Variants in ADGRV1 observed in about 807,000 individuals in gnomAD.
ADGRV1 encodes G-protein coupled receptor 98.
A neutral mutation model predicts 596.2 loss-of-function variants in ADGRV1; 359 were observed. That is an observed-to-expected ratio of 0.60 (90% CI 0.55 to 0.66). ADGRV1 has a LOEUF of 0.66. Among genes scored for constraint, ADGRV1 ranks in the 30% least tolerant of loss-of-function variants. The pLI, the probability that ADGRV1 is intolerant of heterozygous loss-of-function variation, is 0.00. For synonymous variants in ADGRV1, 2,681 were observed against 2,679.2 expected (o/e 1.00, Z -0.02); for missense variants, 7,274 against 7,575.6 (o/e 0.96, Z 1.48).
intron 83 of ADGRV1, among the ~76,000 whole-genome samples, chr5:90,889,034 A>G (rs979537418): frequency 2.0e-5 from 3 of 152,022 alleles, no homozygotes; most frequent in African/African-American, 2.4e-5. Flanking sequence ...AGGTGTGTAC[A>G]ATGTTGGAAA....
Position 90,694,579 on chromosome 5 carries a change from T to G in ADGRV1, c.7823T>G (p.Leu2608Arg). Residue 2608 changes from leucine to arginine, a missense_variant, in exon 33 of 90, where the codon CTG (leucine) becomes CGG (arginine). Physicochemically the swap from Leu to Arg is moderately radical, Grantham distance 102. Transcript: ENST00000405460. ...GAGCAGCCCCAAACCTTGGTGGAGC[T>G]GATGATACACAGGACAGGGGGCAGC... ...VQEQPQTLVE[L>R]MIHRTGGSLG... 1 of 1,613,846 alleles carries G rather than the reference T, an allele frequency of 6.2e-7. No individual in the cohort carries two copies. Among genetic ancestry groups the G allele is most frequent in the Non-Finnish European group, 8.5e-7 (1 of 1,179,798 alleles).
intron 11 of ADGRV1, among the ~76,000 whole-genome samples, chr5:90,638,496 A>C (rs1359196964): frequency 1.3e-5 from 2 of 152,006 alleles, no homozygotes; most frequent in African/African-American, 2.4e-5. Context: ...AGCATTTCTC[A>C]GTGGGTAATT....
Position 90,697,119 on chromosome 5 carries a change from G to T in ADGRV1, c.8128G>T (p.Ala2710Ser), listed in dbSNP as rs1440345825. The T allele has an allele frequency of 6.2e-7, 1 of 1,613,156 alleles. No homozygotes were observed. Among genetic ancestry groups the T allele is most frequent in the Non-Finnish European group, 8.5e-7 (1 of 1,179,352 alleles). Residue 2710 changes from alanine to serine, a missense_variant, in exon 34 of 90, where the codon GCT (alanine) becomes TCT (serine). By Grantham distance (99) the Ala-to-Ser change is moderately conservative (BLOSUM62 1). Around this residue, in one of 5 missense-constraint regions of ADGRV1, gnomAD observed 3,643 missense variants for 3,809.2 expected, o/e 0.96. Transcript: ENST00000405460. Reference protein sequence around the residue: ...NVAGIVSFQTASRSVIGHEGE... With the variant: ...NVAGIVSFQTSSRSVIGHEGE... Reference sequence around the variant, plus strand: ...GGCAGGAATTGTTAGCTTTCAGACAGCTTCCAGATCTGTCATAGGTCATGA... The same window carrying T: ...GGCAGGAATTGTTAGCTTTCAGACATCTTCCAGATCTGTCATAGGTCATGA...
At chr5:91,039,316 G>A (rs1316416026) in intron 85 of ADGRV1, among the ~76,000 whole-genome samples, 2 of 152,128 alleles carry the variant, frequency 1.3e-5, no homozygotes, top group East Asian at 1.9e-4. Flanking sequence ...TGTTACCTTC[G>A]TTATCGGTTA....
intron 84 of ADGRV1, among the ~76,000 whole-genome samples, chr5:90,972,426 T>A (rs1289298051): frequency 6.6e-6 from 1 of 152,174 alleles, no homozygotes; most frequent in Non-Finnish European, 1.5e-5. Flanking sequence ...ATCGCACTTA[T>A]TCCAAAATTG....
At chr5:91,110,952 A>C (rs1365554050) in intron 87 of ADGRV1, among the ~76,000 whole-genome samples, 1 of 152,116 alleles carries the variant, frequency 6.6e-6, no homozygotes, top group East Asian at 1.9e-4. Flanking sequence ...CACGTTTTGA[A>C]TCATTCCCTA....
chr5:90,648,783 C>T (rs1271461014), intron 17 of ADGRV1, among the ~76,000 whole-genome samples: 4 of 152,100 alleles, frequency 2.6e-5, no homozygotes, highest in African/African-American at 9.7e-5. Context: ...AACTATTATC[C>T]TGTGAGGAAA....
chr5:90,861,269 A>G (rs1169493086), intron 82 of ADGRV1, among the ~76,000 whole-genome samples: 1 of 151,904 alleles, frequency 6.6e-6, no homozygotes, highest in Non-Finnish European at 1.5e-5. Flanking sequence ...TGGAATTGTG[A>G]TACTTTATTT....
chr5:91,045,590 T>G (rs1785732089), intron 85 of ADGRV1, among the ~76,000 whole-genome samples: 1 of 151,868 alleles, frequency 6.6e-6, no homozygotes, highest in East Asian at 1.9e-4. Flanking sequence ...TAACACTGAA[T>G]GGGGAAAAGT....
chr5:90,938,462 G>A (rs143144723), intron 83 of ADGRV1, among the ~76,000 whole-genome samples: 120 of 152,292 alleles, frequency 7.9e-4, no homozygotes, highest in African/African-American at 2.6e-3. Flanking sequence ...ATAACAGTGA[G>A]ACTGGCGATG....
At chr5:91,059,422 TCTC>T (rs767528817) in intron 85 of ADGRV1, among the ~76,000 whole-genome samples, 3 of 152,126 alleles carry the variant, frequency 2.0e-5, no homozygotes, top group Non-Finnish European at 4.4e-5. Flanking sequence ...GTAAAAGGCT[TCTC>T]CTCACTCTGT....
chr5:90,672,448 G>T, intron 21 of ADGRV1, 98 bp from the exon 22 acceptor site: 1 of 954,884 alleles, frequency 1.0e-6, no homozygotes, highest in South Asian at 1.8e-5. Context: ...GAAAGTTGTA[G>T]AATTAAGTTT....
chr5:91,018,803 A>G (rs544851327), intron 85 of ADGRV1, among the ~76,000 whole-genome samples: 2 of 152,128 alleles, frequency 1.3e-5, no homozygotes, highest in East Asian at 1.9e-4. Context: ...GTAAACTGCC[A>G]TGGCTTAAGC....
chr5:90,649,799 G>A (rs527860070), intron 17 of ADGRV1, among the ~76,000 whole-genome samples: 1 of 152,080 alleles, frequency 6.6e-6, no homozygotes, highest in East Asian at 1.9e-4. Flanking sequence ...AGAAATTGAC[G>A]CTTGAAAAAG....
At chr5:90,664,025 A>G (rs1580649692) in intron 21 of ADGRV1, among the ~76,000 whole-genome samples, 1 of 139,180 alleles carries the variant, frequency 7.2e-6, no homozygotes. Flanking sequence ...GCCTTGTAGT[A>G]TAGTTTGAAG....
Position 90,637,819 on chromosome 5 carries a change from C to T in ADGRV1, c.2111C>T (p.Pro704Leu), listed in dbSNP as rs772798706. 1.3e-5 allele frequency: 21 copies of T among 1,613,468 alleles called. No individual in the cohort carries two copies. Among genetic ancestry groups the T allele is most frequent in the South Asian group, 6.6e-5 (6 of 91,068 alleles). Residue 704 changes from proline to leucine, a missense_variant, in exon 11 of 90, where the codon CCG becomes CTG. Around this residue, in one of 5 missense-constraint regions of ADGRV1, gnomAD observed 1,715 missense variants for 1,708.8 expected, o/e 1.00. Coordinates refer to ENST00000405460, the MANE Select transcript of ADGRV1 (RefSeq NM_032119.4). ...PSGFNSKAVT[P>L]DDIGPFNGSV... is the part of the protein sequence containing the mutation. ...GGCTTTAATTCAAAAGCAGTGACCC[C>T]GGATGATATAGGCCCCTTTAATGGC...
intron 85 of ADGRV1, among the ~76,000 whole-genome samples, chr5:90,991,448 G>C (rs2151072382): frequency 6.6e-6 from 1 of 151,926 alleles, no homozygotes; most frequent in East Asian, 1.9e-4. Flanking sequence ...TAGTTTTTTT[G>C]TTTTTTGTCT....
intron 85 of ADGRV1, among the ~76,000 whole-genome samples, chr5:90,997,503 A>C (rs1399857175): frequency 6.6e-6 from 1 of 152,152 alleles, no homozygotes; most frequent in Non-Finnish European, 1.5e-5. Flanking sequence ...AAGTCAATTA[A>C]ACCTCTTTTC....
intron 86 of ADGRV1, among the ~76,000 whole-genome samples, 163 bp from the exon 87 acceptor site, chr5:91,102,056 C>T (rs148022750): frequency 1.3e-5 from 2 of 152,276 alleles, no homozygotes; most frequent in East Asian, 1.9e-4. Flanking sequence ...AGAATGTGGA[C>T]TCAGCAATGT....
Sources: gnomAD v4.1 joint callset for allele counts (sites outside exome capture counted in the v4.1 genomes callset) on GRCh38, gnomAD v4.1.1 for gene constraint, gnomAD v4.1.1 regional missense constraint, MANE v1.5 for transcripts, NCBI Gene and HGNC (gene_info 2026-07-23, HGNC 2026-07-21) for gene names.